CTNND1: variants seen among roughly 807,000 people sequenced by gnomAD.
CTNND1 encodes catenin delta 1.
In CTNND1, 16 loss-of-function variants were observed where a neutral mutation model predicts 112.1. That is an observed-to-expected ratio of 0.14 (90% CI 0.10 to 0.22). The LOEUF (loss-of-function observed/expected upper bound fraction) is 0.22, where lower values mean the gene tolerates loss of function less well. CTNND1 is among the 10% of genes least tolerant of loss of function. The pLI is 1.00. For synonymous variants in CTNND1, 420 were observed against 446.5 expected (o/e 0.94, Z 0.75); for missense variants, 1,008 against 1,257.0 (o/e 0.80, Z 3.00).
chr11:57,797,907 T>C (rs1251435854), intron 6 of CTNND1, among the ~76,000 whole-genome samples: 1 of 151,654 alleles, frequency 6.6e-6, no homozygotes, highest in Non-Finnish European at 1.5e-5. Context: ...GAATGAACTT[T>C]GCTTCTGCTT....
intron 12 of CTNND1, 139 bp from the exon 13 acceptor site, chr11:57,808,024 AGT>A: frequency 1.3e-6 from 1 of 792,266 alleles, no homozygotes; most frequent in Non-Finnish European, 1.9e-6. Context: ...TGCTGTAGAG[AGT>A]GTGAGAGAGT....
intron 1 of CTNND1, among the ~76,000 whole-genome samples, chr11:57,767,252 C>T (rs1007692728): frequency 1.3e-5 from 2 of 151,962 alleles, no homozygotes; most frequent in Middle Eastern, 3.2e-3. Flanking sequence ...TGAGCCACTG[C>T]GCCCGGCCAG....
At chr11:57,790,552 GTTTT>G (rs150149378) in intron 2 of CTNND1, among the ~76,000 whole-genome samples, 56 of 60,678 alleles carry the variant, frequency 9.2e-4, no homozygotes, top group African/African-American at 4.0e-3. Context: ...CTGTGTGTGT[GTTTT>G]TTTTTTTTTT....
chr11:57,811,015 A>C (rs1340771373), intron 16 of CTNND1, among the ~76,000 whole-genome samples: 2 of 152,032 alleles, frequency 1.3e-5, no homozygotes, highest in Non-Finnish European at 2.9e-5. Flanking sequence ...ATGTGTCTAC[A>C]ATTCATTTGT....
At chr11:57,765,460 A>ATTTTTTTTTT (rs5792061) in intron 1 of CTNND1, among the ~76,000 whole-genome samples, 1 of 105,600 alleles carries the variant, frequency 9.5e-6, no homozygotes. Flanking sequence ...TCCTCCCTTA[A>ATTTTTTTTTT]TTTTTTTTTT....
chr11:57,815,689 G>T (rs1316978275), intron 19 of CTNND1, 189 bp downstream of exon 19: 1 of 786,280 alleles, frequency 1.3e-6, no homozygotes, highest in African/African-American at 1.7e-5. Context: ...GGTCAAAATG[G>T]GGGAAGCATG....
intron 7 of CTNND1, 82 bp downstream of exon 7, chr11:57,802,278 T>TCATCAAAAG: frequency 8.1e-7 from 1 of 1,238,804 alleles, no homozygotes; most frequent in Non-Finnish European, 1.1e-6. Flanking sequence ...TCCAGACCTT[T>TCATCAAAAG]TACTTTTGAT....
chr11:57,814,733 G>C (rs1011081295), intron 18 of CTNND1, among the ~76,000 whole-genome samples: 1 of 151,968 alleles, frequency 6.6e-6, no homozygotes, highest in Non-Finnish European at 1.5e-5. Flanking sequence ...TCTATAGTTT[G>C]ATTCTGCTCA....
At chr11:57,811,898 A>AT in intron 17 of CTNND1, among the ~76,000 whole-genome samples, 1 of 152,336 alleles carries the variant, frequency 6.6e-6, no homozygotes, top group South Asian at 2.1e-4. Context: ...CTTTTAAAAC[A>AT]TTTTTATCAT....
In CTNND1 at chr11:57,791,506, G is replaced by A. The variant is rs766496020; in HGVS notation, c.28G>A (p.Ala10Thr). 4 of 1,572,892 alleles carry A rather than the reference G, an allele frequency of 2.5e-6. No individual in the cohort carries two copies. Among genetic ancestry groups the A allele is most frequent in the African/African-American group, 2.7e-5 (2 of 73,194 alleles). MDDSEVESTASILASVKEQE... is the reference protein window; with the variant it reads MDDSEVESTTSILASVKEQE... ...GGACGACTCAGAGGTGGAGTCGACC[G>A]CCAGCATCTTGGCCTCTGTGAAGGA... The change falls in exon 3 of 21, where the codon GCC (alanine) becomes ACC (threonine). Residue 10 changes from alanine to threonine, a missense_variant. Ala to Thr is a moderately conservative substitution (Grantham distance 58). Around this residue, in one of 5 missense-constraint regions of CTNND1, gnomAD observed 404 missense variants for 457.9 expected, o/e 0.88. Transcript: ENST00000399050.
At position 57,797,856 on chromosome 11, in the gene CTNND1, A is replaced by AC. The variant is rs1341431080; in HGVS notation, c.956+864_956+865insC. 8.0e-5 allele frequency among the ~76,000 whole-genome samples: 12 copies of AC among 150,544 alleles called. 1 individual carries two copies. The highest frequency in any genetic ancestry group is 7.4e-5 in the Non-Finnish European group (5 of 67,656). On this transcript the variant is annotated intron_variant, in intron 6 of 20. Transcript: ENST00000399050. ...AAACTCCACCTCAAAAAAAAAAAAAAAAAAAAACAACTTGTGATTGTTATT... is the reference window on the plus strand; with the variant it reads ...AAACTCCACCTCAAAAAAAAAAAAAACAAAAAAACAACTTGTGATTGTTATT...
chr11:57,808,384 T>C lies in CTNND1; in HGVS notation c.2092-6T>C. 6.2e-7 allele frequency: 1 copy of C among 1,603,548 alleles called. No individual in the cohort carries two copies. The highest frequency in any genetic ancestry group is 1.7e-4 in the Middle Eastern group (1 of 6,030). On this transcript the variant is annotated splice_region_variant and splice_polypyrimidine_tract_variant and intron_variant, in intron 13 of 20. Transcript: ENST00000399050. ...TTGTTCCACCCCTTTCTATTTGCTA[T>C]TCTAGTATGGTCGATACATCCGCTC...
chr11:57,806,555 C>A, intron 11 of CTNND1, 77 bp downstream of exon 11: 1 of 1,311,290 alleles, frequency 7.6e-7, no homozygotes, highest in Non-Finnish European at 1.1e-6. Context: ...TATGTCCTTG[C>A]CTAACCTTTC....
rs2060328213 is a variant in CTNND1 at position 57,788,169 on chromosome 11, T to G, written c.-213-868T>G. Among the ~76,000 whole-genome samples the G allele has an allele frequency of 6.6e-6, 1 of 152,170 alleles. No individual in the cohort carries two copies. The highest frequency in any genetic ancestry group is 1.5e-5 in the Non-Finnish European group (1 of 68,020). On this transcript the variant is annotated intron_variant, in intron 1 of 20. Coordinates refer to ENST00000399050, the MANE Select transcript of CTNND1 (RefSeq NM_001085458.2). This position sits in a 1 kb window ranked among gnomAD's most constrained non-coding sequence, Gnocchi z 4.1. Reference sequence around the variant, plus strand: ...TGGAAGGTTCATAGGTCATTGTACATAGTGGATAAGGGCAAGTACTTAAGA... The same window carrying G: ...TGGAAGGTTCATAGGTCATTGTACAGAGTGGATAAGGGCAAGTACTTAAGA...
intron 2 of CTNND1, among the ~76,000 whole-genome samples, chr11:57,789,366 G>A (rs576533713): frequency 1.3e-5 from 2 of 152,172 alleles, no homozygotes; most frequent in African/African-American, 2.4e-5. Context: ...GTCTTTCATA[G>A]CTATAAGAGA....
intron 1 of CTNND1, among the ~76,000 whole-genome samples, chr11:57,772,863 C>T (rs1482157198): frequency 1.3e-5 from 2 of 151,954 alleles, no homozygotes; most frequent in Non-Finnish European, 2.9e-5. Flanking sequence ...CTCTCTCTTT[C>T]TCTCACCCGT....
Position 57,801,723 on chromosome 11 carries a change from A to C in CTNND1, c.957-10A>C. The C allele has an allele frequency of 1.2e-6, 2 of 1,603,690 alleles. No individual in the cohort carries two copies. Among genetic ancestry groups the C allele is most frequent in the Non-Finnish European group, 1.7e-6 (2 of 1,173,170 alleles). Reference sequence around the variant, plus strand: ...TGATGTATTCTCTTGGTTCTTCCAAAACTTCTCAGGAGCTATGAAGACATG... The same window carrying C: ...TGATGTATTCTCTTGGTTCTTCCAACACTTCTCAGGAGCTATGAAGACATG... On this transcript the variant is annotated splice_polypyrimidine_tract_variant and intron_variant, in intron 6 of 20. Transcript: ENST00000399050.
At chr11:57,793,348 AATT>A (rs542082988) in intron 3 of CTNND1, 3 of 152,284 alleles carry the variant, frequency 2.0e-5, no homozygotes, top group South Asian at 4.1e-4. Flanking sequence ...TGGCTCTAAT[AATT>A]GTTGGTAAAG....
At chr11:57,765,580 C>T (rs2135885890) in intron 1 of CTNND1, among the ~76,000 whole-genome samples, 1 of 151,184 alleles carries the variant, frequency 6.6e-6, no homozygotes, top group Non-Finnish European at 1.5e-5. Flanking sequence ...GGTGCTCCCA[C>T]CTCAGTCTTC....
Sources: gnomAD v4.1 joint callset for allele counts (sites outside exome capture counted in the v4.1 genomes callset) on GRCh38, gnomAD v4.1.1 for gene constraint, gnomAD v4.1.1 regional missense constraint, Gnocchi (gnomAD v3.1) non-coding constraint, MANE v1.5 for transcripts, NCBI Gene and HGNC (gene_info 2026-07-23, HGNC 2026-07-21) for gene names.